Variants in OCA2 observed in about 807,000 individuals in gnomAD.
OCA2 encodes OCA2 melanosomal transmembrane protein.
OCA2 carries 77 observed loss-of-function variants against 100.2 expected under a neutral mutation model. That is an observed-to-expected ratio of 0.77 (90% CI 0.64 to 0.93). The LOEUF is 0.93. OCA2 is among the 40% of genes least tolerant of loss of function. OCA2 has a pLI of 0.00. For missense variants in OCA2, 1,062 were observed against 1,089.1 expected, an observed-to-expected ratio of 0.98 and a Z score of 0.35; for synonymous variants, 432 against 439.2, an observed-to-expected ratio of 0.98 and a Z score of 0.21.
At chr15:27,807,772 C>T (rs370097524) in intron 23 of OCA2, among the ~76,000 whole-genome samples, 1 of 152,324 alleles carries the variant, frequency 6.6e-6, no homozygotes. Context: ...ATCCAACTTA[C>T]TGAAAAGCTC....
Position 27,926,155 on chromosome 15 carries a change from A to G in OCA2, c.2051T>C (p.Phe684Ser), listed in dbSNP as rs772754008. 6.2e-7 allele frequency: 1 copy of G among 1,614,144 alleles called. No homozygotes were observed. The highest frequency in any genetic ancestry group is 8.5e-7 in the Non-Finnish European group (1 of 1,179,994). Residue 684 changes from phenylalanine to serine, a missense_variant, in exon 19 of 24, where the codon TTT (phenylalanine) becomes TCT (serine). By Grantham distance (155) the Phe-to-Ser change is radical (BLOSUM62 -2). Transcript: ENST00000354638. The stretch of plus-strand genomic sequence containing the variant: ...CATCAGAACAAAGAGCGCTGCAAAA[A>G]ACAGAAGGGTTGCCCATTCCACTCT... Reference protein sequence around the residue: ...LHRVEWATLLFFAALFVLMEA... With the variant: ...LHRVEWATLLSFAALFVLMEA...
At chr15:28,054,436 G>T (rs894446180) in intron 2 of OCA2, among the ~76,000 whole-genome samples, 33 of 152,122 alleles carry the variant, frequency 2.2e-4, no homozygotes, top group Non-Finnish European at 4.9e-4. Flanking sequence ...GCCAAGAGGA[G>T]CCCCACCTCA....
At chr15:27,868,889 T>C (rs1451846035) in intron 21 of OCA2, among the ~76,000 whole-genome samples, 1 of 152,206 alleles carries the variant, frequency 6.6e-6, no homozygotes, top group Non-Finnish European at 1.5e-5. Flanking sequence ...TACAGCTTTT[T>C]AAAAAATGTG....
chr15:28,027,845 AG>A (rs2042800064), intron 4 of OCA2, 25 bp downstream of exon 4: 2 of 1,610,686 alleles, frequency 1.2e-6, no homozygotes, highest in South Asian at 1.1e-5. Flanking sequence ...CGCTGCTGCC[AG>A]GGTGGGCACC....
intron 2 of OCA2, among the ~76,000 whole-genome samples, chr15:28,074,091 T>C (rs1454072542): frequency 6.6e-6 from 1 of 152,058 alleles, no homozygotes; most frequent in Non-Finnish European, 1.5e-5. Flanking sequence ...ATAGAATTTA[T>C]ATGGGAAGGC....
chr15:27,999,195 A>G (rs1008041055), intron 9 of OCA2, among the ~76,000 whole-genome samples: 3 of 152,200 alleles, frequency 2.0e-5, no homozygotes, highest in African/African-American at 7.2e-5. Flanking sequence ...AACTTAAAGT[A>G]TAACAAGAAA....
At chr15:27,933,482 G>GAAGA (rs1322130258) in intron 18 of OCA2, among the ~76,000 whole-genome samples, 2 of 152,222 alleles carry the variant, frequency 1.3e-5, no homozygotes, top group Non-Finnish European at 2.9e-5. Flanking sequence ...GTGTCCGTAT[G>GAAGA]AAGAGACCAC....
intron 6 of OCA2, among the ~76,000 whole-genome samples, chr15:28,018,794 C>A (rs1288350862): frequency 4.6e-5 from 7 of 152,170 alleles, no homozygotes; most frequent in African/African-American, 1.4e-4. Context: ...GAGGTGCCCC[C>A]CACACCAGGG....
chr15:27,832,402 C>T (rs957544347), intron 23 of OCA2, among the ~76,000 whole-genome samples: 2 of 152,262 alleles, frequency 1.3e-5, no homozygotes, highest in Non-Finnish European at 2.9e-5. Flanking sequence ...CTTCCCTGCA[C>T]TCCCACCACC....
chr15:28,028,097 T>G, intron 3 of OCA2, 38 bp from the exon 4 acceptor site: 1 of 1,607,746 alleles, frequency 6.2e-7, no homozygotes, highest in Non-Finnish European at 8.5e-7. Context: ...TCTCCTGAAA[T>G]AGTAATGGCT....
chr15:27,806,321 G>A (rs2033845097), intron 23 of OCA2, among the ~76,000 whole-genome samples: 1 of 152,246 alleles, frequency 6.6e-6, no homozygotes, highest in African/African-American at 2.4e-5. Flanking sequence ...CTGTTACGGA[G>A]CCTGAGAGGC....
At chr15:27,862,271 C>G (rs982225771) in intron 21 of OCA2, among the ~76,000 whole-genome samples, 1 of 151,072 alleles carries the variant, frequency 6.6e-6, no homozygotes, top group Non-Finnish European at 1.5e-5. Flanking sequence ...AAAGCGTGGT[C>G]GTCAGCCTCA....
chr15:27,934,117 A>AT (rs144258693), intron 18 of OCA2, among the ~76,000 whole-genome samples: 186 of 152,122 alleles, frequency 1.2e-3, no homozygotes, highest in Non-Finnish European at 2.3e-3. Context: ...TTAACCATAT[A>AT]TTTTTTTAAG....
chr15:27,923,046 T>C (rs1020670819), intron 19 of OCA2, among the ~76,000 whole-genome samples: 59 of 152,174 alleles, frequency 3.9e-4, no homozygotes, highest in Admixed American at 1.3e-4. Context: ...CTCCCACTTA[T>C]AAGTGAAAAC....
chr15:27,848,160 C>G (rs559333875), intron 22 of OCA2, among the ~76,000 whole-genome samples: 2 of 152,328 alleles, frequency 1.3e-5, no homozygotes, highest in African/African-American at 4.8e-5. Flanking sequence ...CTGGATTCCA[C>G]ATGGCTTTGG....
At chr15:27,985,477 G>A (rs1395620838) in intron 12 of OCA2, among the ~76,000 whole-genome samples, 2 of 152,102 alleles carry the variant, frequency 1.3e-5, no homozygotes, top group Admixed American at 6.6e-5. Context: ...CTCAGTCCCC[G>A]TAATGCCATC....
intron 3 of OCA2, among the ~76,000 whole-genome samples, chr15:28,028,965 C>T (rs1172346242): frequency 6.6e-6 from 1 of 152,186 alleles, no homozygotes; most frequent in Non-Finnish European, 1.5e-5. Context: ...GGATTACAGT[C>T]ATGAGCCACT....
intron 2 of OCA2, among the ~76,000 whole-genome samples, chr15:28,077,307 C>T (rs1280374797): frequency 6.6e-6 from 1 of 152,180 alleles, no homozygotes; most frequent in Non-Finnish European, 1.5e-5. Context: ...GATCCACCTG[C>T]CTCAGCCTCC....
At chr15:27,932,203 A>G (rs563385275) in intron 18 of OCA2, among the ~76,000 whole-genome samples, 1 of 152,340 alleles carries the variant, frequency 6.6e-6, no homozygotes, top group South Asian at 2.1e-4. Flanking sequence ...TCAGGTAGAG[A>G]AGAGCAGCAT....
Sources: allele counts gnomAD v4.1 joint callset (sites outside exome capture counted in the v4.1 genomes callset), GRCh38; gene constraint gnomAD v4.1.1; transcripts MANE v1.5; gene names NCBI Gene and HGNC (gene_info 2026-07-23, HGNC 2026-07-21).